HDDC2: variants seen among roughly 807,000 people sequenced by gnomAD.
The protein encoded by HDDC2 is HD domain containing 2.
A neutral mutation model predicts 25.5 loss-of-function variants in HDDC2; 25 were observed. That is an observed-to-expected ratio of 0.98 (90% confidence interval 0.72 to 1.37). The LOEUF is 1.37. Among genes scored for constraint, HDDC2 ranks in the 40% most tolerant of loss-of-function variants. The probability of loss-of-function intolerance (pLI) is 0.00; values close to 1 mark genes in which losing one functional copy is unlikely to be tolerated. For synonymous variants in HDDC2, 106 were observed against 89.7 expected, an observed-to-expected ratio of 1.18 and a Z score of -1.03; for missense variants, 264 against 253.1, an observed-to-expected ratio of 1.04 and a Z score of -0.29.
At position 125,285,120 on chromosome 6, in the gene HDDC2, C is replaced by A. The variant is rs185744266; in HGVS notation, c.378+7721G>T. On this transcript the variant is annotated intron_variant, in intron 4 of 5. Transcript: ENST00000398153. The stretch of plus-strand genomic sequence containing the variant: ...ATAAGTGGGAGTGGAACAATGAGAA[C>A]ATACGGGCACAGGGAGGGGAACATC... 6.3e-4 allele frequency among the ~76,000 whole-genome samples: 87 copies of A among 137,342 alleles called. No homozygotes were observed. The East Asian group carries it at 0.015, about 24-fold the overall frequency. The allele number at this position is 137,342 out of a possible 152,430, so 90.1% of individuals were successfully genotyped here.
intron 3 of HDDC2, among the ~76,000 whole-genome samples, chr6:125,294,313 C>T (rs563472251): frequency 1.3e-5 from 2 of 152,274 alleles, no homozygotes; most frequent in East Asian, 3.9e-4. Flanking sequence ...TTACAGAATA[C>T]AACCACTTCC....
intron 3 of HDDC2, 76 bp downstream of exon 3, chr6:125,298,638 G>C (rs1440961042): frequency 9.9e-7 from 1 of 1,008,466 alleles, no homozygotes; most frequent in Non-Finnish European, 1.6e-6. Flanking sequence ...AACTGTAACA[G>C]GTCTCATAAA....
At chr6:125,285,215 A>C (rs888298400) in intron 4 of HDDC2, among the ~76,000 whole-genome samples, 57 of 152,250 alleles carry the variant, frequency 3.7e-4, no homozygotes, top group Non-Finnish European at 5.1e-4. Flanking sequence ...CCTAATGTAG[A>C]TGACAGGTTG....
At chr6:125,285,629 A>G (rs1251397256) in intron 4 of HDDC2, among the ~76,000 whole-genome samples, 2 of 152,016 alleles carry the variant, frequency 1.3e-5, no homozygotes, top group Non-Finnish European at 2.9e-5. Context: ...CTATACCTCA[A>G]GAAAACCTTA....
At chr6:125,276,532 C>G (rs1402857519) in intron 5 of HDDC2, 2 of 391,996 alleles carry the variant, frequency 5.1e-6, no homozygotes, top group Non-Finnish European at 9.1e-6. Flanking sequence ...AGTGCCTCTA[C>G]CAGGAACTAT....
chr6:125,276,390 C>A, intron 5 of HDDC2, 147 bp from the exon 6 acceptor site: 1 of 645,852 alleles, frequency 1.5e-6, no homozygotes, highest in South Asian at 1.9e-5. Context: ...GATTCCAGGT[C>A]CTGGGAAGGG....
At chr6:125,298,097 A>G in intron 3 of HDDC2, among the ~76,000 whole-genome samples, 1 of 152,268 alleles carries the variant, frequency 6.6e-6, no homozygotes, top group Non-Finnish European at 1.5e-5. Flanking sequence ...TTCTAATGAA[A>G]GTTAGTGTGG....
intron 5 of HDDC2, 43 bp from the exon 6 acceptor site, chr6:125,276,286 C>T (rs1337138496): frequency 7.1e-7 from 1 of 1,417,974 alleles, no homozygotes; most frequent in Admixed American, 1.7e-5. Context: ...CCCATATTGA[C>T]AAGAGAGTAT....
intron 3 of HDDC2, 111 bp from the exon 4 acceptor site, chr6:125,293,020 G>T: frequency 1.2e-6 from 1 of 866,580 alleles, no homozygotes; most frequent in Non-Finnish European, 1.9e-6. Context: ...CACAGGGGCA[G>T]CAGAGTAAAT....
At chr6:125,291,994 CT>C (rs1343612395) in intron 4 of HDDC2, among the ~76,000 whole-genome samples, 1 of 152,078 alleles carries the variant, frequency 6.6e-6, no homozygotes, top group Admixed American at 6.5e-5. Context: ...ACTCTGCCAG[CT>C]TTGGCAGAGG....
At chr6:125,279,221 A>G (rs1309748295) in intron 4 of HDDC2, 5 of 152,222 alleles carry the variant, frequency 3.3e-5, no homozygotes, top group Non-Finnish European at 5.9e-5. Context: ...CCACTCCAAT[A>G]GTGGATGAGC....
chr6:125,280,139 TG>T (rs974791809), intron 4 of HDDC2, among the ~76,000 whole-genome samples: 6 of 152,120 alleles, frequency 3.9e-5, no homozygotes, highest in African/African-American at 1.4e-4. Flanking sequence ...CGCAAGGGGT[TG>T]GGGAACTCCC....
At chr6:125,285,330 T>C (rs1164049339) in intron 4 of HDDC2, among the ~76,000 whole-genome samples, 1 of 150,180 alleles carries the variant, frequency 6.7e-6, no homozygotes, top group African/African-American at 2.5e-5. Context: ...GAAAAGAAAA[T>C]GATATAAGAC....
At chr6:125,291,224 G>A (rs957990155) in intron 4 of HDDC2, among the ~76,000 whole-genome samples, 1 of 152,130 alleles carries the variant, frequency 6.6e-6, no homozygotes, top group African/African-American at 2.4e-5. Context: ...TTTCTAAAGT[G>A]TAGTAACAGG....
chr6:125,276,239 T>C lies in HDDC2; in HGVS notation c.522A>G (p.Lys174=). 1 of 1,612,996 alleles carries C rather than the reference T, an allele frequency of 6.2e-7. No homozygotes were observed. The highest frequency in any genetic ancestry group is 1.7e-5 in the Admixed American group (1 of 60,010). Reference sequence around the variant, plus strand: ...GCTGGACTATCTCAGGGTGATTGAATTTTCCTGCAAAGCAAAAGAACAGGG... The same window carrying C: ...GCTGGACTATCTCAGGGTGATTGAACTTTCCTGCAAAGCAAAAGAACAGGG... ...LQDFYDSTAG[K]FNHPEIVQLV... The change falls in exon 6 of 6, where the codon AAA becomes AAG. Residue 174 remains lysine (K), a synonymous_variant. Coordinates refer to ENST00000398153, the MANE Select transcript of HDDC2 (RefSeq NM_016063.3).
intron 4 of HDDC2, among the ~76,000 whole-genome samples, chr6:125,279,661 A>G (rs549922917): frequency 6.6e-6 from 1 of 152,344 alleles, no homozygotes; most frequent in East Asian, 1.9e-4. Flanking sequence ...TTAAAAATAA[A>G]TAAATTAAAA....
chr6:125,292,809 A>C (rs1583054053), intron 4 of HDDC2, 32 bp downstream of exon 4: 1 of 1,538,394 alleles, frequency 6.5e-7, no homozygotes, highest in Non-Finnish European at 9.0e-7. Flanking sequence ...TCAGATACAA[A>C]TTAAAAACAG....
intron 3 of HDDC2, among the ~76,000 whole-genome samples, chr6:125,297,187 C>T (rs1350045489): frequency 6.6e-6 from 1 of 152,192 alleles, no homozygotes; most frequent in African/African-American, 2.4e-5. Flanking sequence ...TCATTACTCA[C>T]CATCCTCTGG....
chr6:125,286,817 C>T (rs1022476772), intron 4 of HDDC2, among the ~76,000 whole-genome samples: 1 of 152,096 alleles, frequency 6.6e-6, no homozygotes, highest in African/African-American at 2.4e-5. Flanking sequence ...GAACTGTAAT[C>T]AGAGTAGATG....
Sources: allele counts gnomAD v4.1 joint callset (sites outside exome capture counted in the v4.1 genomes callset), GRCh38; gene constraint gnomAD v4.1.1; transcripts MANE v1.5; gene names NCBI Gene and HGNC (gene_info 2026-07-23, HGNC 2026-07-21).